The following SLC39A11 variants were observed in gnomAD, a reference collection of about 807,000 sequenced individuals.
SLC39A11 encodes zinc transporter ZIP11.
In SLC39A11, 33 loss-of-function variants were observed where a neutral mutation model predicts 36.1. That is an observed-to-expected ratio of 0.91 (90% confidence interval 0.69 to 1.22). The LOEUF (loss-of-function observed/expected upper bound fraction) is 1.22. SLC39A11 is among the 50% of genes most tolerant of loss of function. The pLI, the probability that SLC39A11 is intolerant of heterozygous loss-of-function variation, is 0.00. For synonymous variants in SLC39A11, 166 were observed against 170.3 expected (o/e 0.97, Z 0.20); for missense variants, 432 against 430.3 (o/e 1.00, Z -0.03).
intron 5 of SLC39A11, among the ~76,000 whole-genome samples, chr17:72,943,955 T>C (rs2085271436): frequency 6.6e-6 from 1 of 151,320 alleles, no homozygotes; most frequent in South Asian, 2.1e-4. Flanking sequence ...GACAGAGGAG[T>C]GGGACTGAAT....
intron 5 of SLC39A11, among the ~76,000 whole-genome samples, chr17:72,873,077 A>G (rs1247050126): frequency 4.6e-5 from 7 of 151,898 alleles, no homozygotes; most frequent in Non-Finnish European, 1.0e-4. Flanking sequence ...AAAGAAAAAA[A>G]AAAAGAATTA....
intron 6 of SLC39A11, among the ~76,000 whole-genome samples, chr17:72,781,415 T>G (rs2076314843): frequency 7.2e-6 from 1 of 139,824 alleles, no homozygotes; most frequent in Non-Finnish European, 1.5e-5. Flanking sequence ...TTCTTTTGGT[T>G]TTTTTTTTTT....
chr17:72,802,754 C>T (rs2077132257), intron 6 of SLC39A11, among the ~76,000 whole-genome samples: 1 of 152,106 alleles, frequency 6.6e-6, no homozygotes, highest in Non-Finnish European at 1.5e-5. Flanking sequence ...TAGAGAGCCA[C>T]TCACTGTAAA....
chr17:72,955,007 CCTGGTT>C (rs1347094002), intron 4 of SLC39A11, among the ~76,000 whole-genome samples: 1 of 152,182 alleles, frequency 6.6e-6, no homozygotes, highest in Admixed American at 6.5e-5. Context: ...CTTGGTCTCT[CCTGGTT>C]TTTTAATGCA....
At chr17:72,888,638 A>T (rs2081557721) in intron 5 of SLC39A11, among the ~76,000 whole-genome samples, 1 of 152,228 alleles carries the variant, frequency 6.6e-6, no homozygotes, top group African/African-American at 2.4e-5. Flanking sequence ...GTTGTGGTTC[A>T]CACCTGTAAT....
At chr17:72,720,242 C>T (rs2073603040) in intron 7 of SLC39A11, among the ~76,000 whole-genome samples, 1 of 152,166 alleles carries the variant, frequency 6.6e-6, no homozygotes. Context: ...ACAGTCCATG[C>T]TGTGATAAGA....
chr17:73,065,871 T>C (rs1033459717), intron 3 of SLC39A11, among the ~76,000 whole-genome samples: 1 of 151,832 alleles, frequency 6.6e-6, no homozygotes, highest in African/African-American at 2.4e-5. Context: ...TGGATGGGAG[T>C]TGGTGCCCAA....
intron 3 of SLC39A11, among the ~76,000 whole-genome samples, chr17:73,067,261 C>A (rs147270098): frequency 5.8e-4 from 89 of 152,328 alleles, no homozygotes; most frequent in Middle Eastern, 6.8e-3. Flanking sequence ...TACCTTAGGT[C>A]ATATGAATAA....
intron 6 of SLC39A11, among the ~76,000 whole-genome samples, chr17:72,777,569 G>A (rs552191116): frequency 3.3e-4 from 50 of 151,782 alleles, no homozygotes; most frequent in African/African-American, 1.2e-3. Flanking sequence ...GGTGGCATGG[G>A]AACGATGCAT....
intron 6 of SLC39A11, among the ~76,000 whole-genome samples, chr17:72,826,568 T>C (rs2078037627): frequency 1.3e-5 from 2 of 152,188 alleles, no homozygotes; most frequent in South Asian, 4.1e-4. Context: ...AGTCTGTAGA[T>C]CCAGGCTGTT....
intron 5 of SLC39A11, among the ~76,000 whole-genome samples, chr17:72,923,127 G>C (rs1467431908): frequency 6.6e-6 from 1 of 152,096 alleles, no homozygotes; most frequent in Non-Finnish European, 1.5e-5. Context: ...CCTAGTGGTA[G>C]ATTGTAATAG....
At chr17:72,650,159 A>C (rs2069784566) in intron 7 of SLC39A11, among the ~76,000 whole-genome samples, 1 of 152,196 alleles carries the variant, frequency 6.6e-6, no homozygotes, top group Non-Finnish European at 1.5e-5. Context: ...TGGGCTCTGC[A>C]GGTCTGGCAC....
At chr17:72,863,273 C>A (rs908027307) in intron 5 of SLC39A11, among the ~76,000 whole-genome samples, 1 of 152,170 alleles carries the variant, frequency 6.6e-6, no homozygotes, top group African/African-American at 2.4e-5. Context: ...AGAACATGTT[C>A]CTCTTCTTGG....
rs568088032 is a variant in SLC39A11 at position 72,936,746 on chromosome 17, G to A, written c.430+11006C>T. ...AAGATAATTTTTCTACACATAGGAG[G>A]TGGGGGGTAGGGGGTGGTTTCAGGA... is the stretch of plus-strand genomic sequence containing the variant. On this transcript the variant is annotated intron_variant, in intron 5 of 9. Transcript: ENST00000255559. Among the ~76,000 whole-genome samples, 4 of 136,876 alleles carry A rather than the reference G, an allele frequency of 2.9e-5. No individual in the cohort carries two copies. The South Asian group carries it at 7.7e-4, about 27-fold the overall frequency. 89.8% of individuals were successfully genotyped at this position (136,876 alleles called of 152,430 possible).
At chr17:73,083,366 CA>C (rs1403125328) in intron 3 of SLC39A11, among the ~76,000 whole-genome samples, 1 of 152,184 alleles carries the variant, frequency 6.6e-6, no homozygotes, top group Non-Finnish European at 1.5e-5. Context: ...ACAGTGGCTC[CA>C]GTCTAACAGC....
At chr17:72,878,798 C>T (rs950679136) in intron 5 of SLC39A11, among the ~76,000 whole-genome samples, 2 of 152,196 alleles carry the variant, frequency 1.3e-5, no homozygotes, top group African/African-American at 4.8e-5. Context: ...TCAATCCAGA[C>T]ACTATCTACC....
chr17:72,754,451 A>C (rs1435422842), intron 6 of SLC39A11, among the ~76,000 whole-genome samples: 5 of 152,188 alleles, frequency 3.3e-5, no homozygotes. Context: ...GAATTTTTTT[A>C]AAAAATTAAT....
intron 6 of SLC39A11, among the ~76,000 whole-genome samples, chr17:72,791,219 C>T (rs11650419): frequency 0.44 from 66,828 of 152,022 alleles, 18,086 homozygotes; most frequent in Non-Finnish European, 0.61. Flanking sequence ...CTTCGGGAGG[C>T]CGAGGTGGGC....
At chr17:73,056,859 T>TA (rs2059686749) in intron 3 of SLC39A11, among the ~76,000 whole-genome samples, 1 of 152,202 alleles carries the variant, frequency 6.6e-6, no homozygotes, top group South Asian at 2.1e-4. Context: ...CAAGAAGACT[T>TA]ACAGTGGCCA....
Sources: gnomAD v4.1 joint callset for allele counts (sites outside exome capture counted in the v4.1 genomes callset) on GRCh38, gnomAD v4.1.1 for gene constraint, MANE v1.5 for transcripts, NCBI Gene and HGNC (gene_info 2026-07-23, HGNC 2026-07-21) for gene names.